The following TCF4 variants were observed in gnomAD, a reference collection of about 807,000 sequenced individuals.
TCF4 encodes SL3-3 enhancer factor 2.
In TCF4, 3 loss-of-function variants were observed where a neutral mutation model predicts 82.1. The observed-to-expected ratio is 0.04, with a 90% CI of 0.02 to 0.09. TCF4 has a LOEUF of 0.09. Ranked by LOEUF, TCF4 falls within the 10% of genes least tolerant of loss-of-function variation. The pLI is 1.00. For missense variants in TCF4, 518 were observed against 852.7 expected, an observed-to-expected ratio of 0.61 and a Z score of 4.89; for synonymous variants, 276 against 309.6, an observed-to-expected ratio of 0.89 and a Z score of 1.14.
chr18:55,621,541 T>TATATAATATATA (rs1568500525), intron 2 of TCF4, among the ~76,000 whole-genome samples: 1 of 1,416 alleles, frequency 7.1e-4, no homozygotes, highest in African/African-American at 7.5e-4. Context: ...ATATATATAT[T>TATATAATATATA]ATATTATATA....
intron 5 of TCF4, among the ~76,000 whole-genome samples, chr18:55,427,635 G>A (rs889299583): frequency 2.0e-5 from 3 of 152,178 alleles, no homozygotes; most frequent in Non-Finnish European, 2.9e-5. Context: ...CTATTGTTGT[G>A]AGGAACAAAT....
Position 55,223,781 on chromosome 18 carries a change from C to T in TCF4, c.*4254G>A, listed in dbSNP as rs1244498901. The T allele has an allele frequency of 2.0e-5, 3 of 149,934 alleles. No individual in the cohort carries two copies. Among genetic ancestry groups the T allele is most frequent in the Non-Finnish European group, 4.4e-5 (3 of 67,704 alleles). The allele number at this position is 149,934 out of a possible 1,614,324, so 9.3% of individuals were successfully genotyped here. A position where few individuals can be genotyped will look rare whatever the true frequency, so the allele number is the denominator to read the frequency against. On this transcript the variant is annotated 3_prime_UTR_variant, in exon 20 of 20. Transcript: ENST00000354452. ...TGTGTACAGTCGCAAAAAATTTCCC[C>T]GCTGCGACCTACAACTAAAAACAAA...
intron 3 of TCF4, among the ~76,000 whole-genome samples, chr18:55,568,529 A>G (rs1035445718): frequency 2.6e-5 from 4 of 151,826 alleles, no homozygotes; most frequent in African/African-American, 7.2e-5. Context: ...ACACACATCC[A>G]TATAAGTTTA....
At chr18:55,509,041 C>G (rs373349034) in intron 3 of TCF4, among the ~76,000 whole-genome samples, 1 of 152,062 alleles carries the variant, frequency 6.6e-6, no homozygotes, top group South Asian at 2.1e-4. Context: ...GAAAAATACT[C>G]CATTTCTGAG....
At chr18:55,388,276 G>C (rs1489104105) in intron 6 of TCF4, among the ~76,000 whole-genome samples, 1 of 152,128 alleles carries the variant, frequency 6.6e-6, no homozygotes, top group Non-Finnish European at 1.5e-5. Flanking sequence ...ATGAAACTTG[G>C]GGGATGAGAT....
chr18:55,483,413 T>C (rs2096469942), intron 3 of TCF4, among the ~76,000 whole-genome samples: 1 of 152,216 alleles, frequency 6.6e-6, no homozygotes, highest in South Asian at 2.1e-4. Context: ...CAGATTAAGA[T>C]TCAGCAAGAA....
intron 3 of TCF4, chr18:55,550,715 G>A (rs1052465392): frequency 1.3e-5 from 2 of 152,152 alleles, no homozygotes; most frequent in Non-Finnish European, 2.9e-5. Flanking sequence ...AGAAAAGAAT[G>A]TCCTCCTCTT....
At chr18:55,453,404 A>C (rs2095665476) in intron 5 of TCF4, among the ~76,000 whole-genome samples, 1 of 152,232 alleles carries the variant, frequency 6.6e-6, no homozygotes, top group South Asian at 2.1e-4. Flanking sequence ...ATTACTTCGA[A>C]GCAAAAGCAT....
intron 16 of TCF4, chr18:55,234,282 A>G: frequency 1.7e-6 from 1 of 576,728 alleles, no homozygotes; most frequent in Middle Eastern, 4.5e-4. Context: ...AGCTAAAATA[A>G]AATTTCCTCT....
At chr18:55,558,607 G>A (rs1301546313) in intron 3 of TCF4, among the ~76,000 whole-genome samples, 1 of 152,132 alleles carries the variant, frequency 6.6e-6, no homozygotes, top group Non-Finnish European at 1.5e-5. Context: ...GATTATAAAA[G>A]TATATGGATA....
intron 15 of TCF4, among the ~76,000 whole-genome samples, chr18:55,243,022 G>A (rs373460597): frequency 1.3e-5 from 2 of 152,144 alleles, no homozygotes; most frequent in African/African-American, 2.4e-5. Flanking sequence ...AGTCATACCC[G>A]TTTAGGAAAC....
intron 5 of TCF4, among the ~76,000 whole-genome samples, chr18:55,450,709 GA>G (rs1458919064): frequency 1.3e-5 from 2 of 152,174 alleles, no homozygotes; most frequent in Non-Finnish European, 2.9e-5. Flanking sequence ...GGAGAAGAAA[GA>G]AATGAAGTGG....
At chr18:55,284,700 T>C (rs545614289) in intron 8 of TCF4, among the ~76,000 whole-genome samples, 1 of 152,318 alleles carries the variant, frequency 6.6e-6, no homozygotes, top group South Asian at 2.1e-4. Flanking sequence ...ACGTTGTAAT[T>C]GAGGCTTTCA....
intron 3 of TCF4, among the ~76,000 whole-genome samples, chr18:55,548,910 T>C (rs1266724606): frequency 1.3e-5 from 2 of 152,218 alleles, no homozygotes; most frequent in African/African-American, 2.4e-5. Flanking sequence ...CATGAGTGAA[T>C]GGTGAGTGAA....
chr18:55,444,431 G>A (rs1383992209), intron 5 of TCF4, among the ~76,000 whole-genome samples: 1 of 152,164 alleles, frequency 6.6e-6, no homozygotes, highest in Non-Finnish European at 1.5e-5. Context: ...TGGTGACCGG[G>A]AATACAAGGT....
intron 8 of TCF4, among the ~76,000 whole-genome samples, chr18:55,302,963 A>G (rs2068799098): frequency 6.6e-6 from 1 of 152,168 alleles, no homozygotes; most frequent in Non-Finnish European, 1.5e-5. Context: ...TACTAAAGAG[A>G]GCCCAGTTGT....
At chr18:55,236,483 T>C (rs913010843) in intron 15 of TCF4, among the ~76,000 whole-genome samples, 1 of 151,994 alleles carries the variant, frequency 6.6e-6, no homozygotes, top group Non-Finnish European at 1.5e-5. Context: ...TATTCAACCC[T>C]GTTGCCTGCC....
At chr18:55,555,567 G>A (rs1291595609) in intron 3 of TCF4, among the ~76,000 whole-genome samples, 1 of 152,138 alleles carries the variant, frequency 6.6e-6, no homozygotes, top group Non-Finnish European at 1.5e-5. Flanking sequence ...TAAATACACT[G>A]TACATAATGC....
chr18:55,625,496 C>G (rs1183348665), intron 2 of TCF4, among the ~76,000 whole-genome samples: 1 of 152,156 alleles, frequency 6.6e-6, no homozygotes, highest in African/African-American at 2.4e-5. Context: ...CTTGGCCTCC[C>G]AAAGTGCTGG....
Sources: allele counts gnomAD v4.1 joint callset (sites outside exome capture counted in the v4.1 genomes callset), GRCh38; gene constraint gnomAD v4.1.1; transcripts MANE v1.5; gene names NCBI Gene and HGNC (gene_info 2026-07-23, HGNC 2026-07-21).